Variants in EVI5 observed in about 807,000 individuals in gnomAD.
The protein encoded by EVI5 is ecotropic viral integration site 5.
Under a neutral mutation model 112.0 loss-of-function variants are expected in EVI5, and 73 were observed. The observed-to-expected ratio is 0.65, with a 90% CI of 0.54 to 0.79. The LOEUF is 0.79. EVI5 is among the 30% of genes least tolerant of loss of function. The pLI is 0.00. For missense variants in EVI5, 900 were observed against 968.8 expected, an observed-to-expected ratio of 0.93 and a Z score of 0.94; for synonymous variants, 305 against 319.9, an observed-to-expected ratio of 0.95 and a Z score of 0.50.
At chr1:92,637,676 CA>C (rs1557968066) in intron 13 of EVI5, among the ~76,000 whole-genome samples, 1 of 152,036 alleles carries the variant, frequency 6.6e-6, no homozygotes, top group African/African-American at 2.4e-5. Context: ...CTCAAAATTT[CA>C]AAATAAAGTC....
At chr1:92,693,994 G>A in intron 8 of EVI5, 95 bp from the exon 9 acceptor site, 1 of 797,434 alleles carries the variant, frequency 1.3e-6, no homozygotes, top group South Asian at 1.6e-5. Flanking sequence ...GGGCGTGGTG[G>A]CTCATGCTTG....
chr1:92,613,014 C>T (rs1652238662), intron 16 of EVI5, among the ~76,000 whole-genome samples: 1 of 152,148 alleles, frequency 6.6e-6, no homozygotes, highest in South Asian at 2.1e-4. Flanking sequence ...GAGAAAGAAA[C>T]CTTCATGGTA....
At chr1:92,670,939 T>C (rs568667422) in intron 10 of EVI5, among the ~76,000 whole-genome samples, 6 of 152,288 alleles carry the variant, frequency 3.9e-5, no homozygotes, top group East Asian at 3.9e-4. Flanking sequence ...AAATTCCGTA[T>C]CTTCCTGACT....
chr1:92,763,748 T>C (rs1476388163), intron 1 of EVI5, among the ~76,000 whole-genome samples: 2 of 152,122 alleles, frequency 1.3e-5, no homozygotes, highest in South Asian at 2.1e-4. Context: ...TAGTGAGCTA[T>C]GATTGTGACA....
intron 16 of EVI5, among the ~76,000 whole-genome samples, chr1:92,615,781 A>G (rs966942208): frequency 6.6e-6 from 1 of 152,126 alleles, no homozygotes; most frequent in Non-Finnish European, 1.5e-5. Context: ...ACCTATAACT[A>G]AGTTAAAGTC....
chr1:92,578,297 T>C (rs969090365), intron 18 of EVI5, among the ~76,000 whole-genome samples: 1 of 152,222 alleles, frequency 6.6e-6, no homozygotes, highest in Non-Finnish European at 1.5e-5. Context: ...TTAGCAAAAC[T>C]AAAGTGTGGA....
chr1:92,739,322 T>G (rs1649681208), intron 1 of EVI5, among the ~76,000 whole-genome samples: 1 of 120,610 alleles, frequency 8.3e-6, no homozygotes. Flanking sequence ...GCTAAAACCA[T>G]CATTAAAAAG....
At chr1:92,551,042 T>TTC (rs1666848531) in intron 19 of EVI5, among the ~76,000 whole-genome samples, 3 of 73,510 alleles carry the variant, frequency 4.1e-5, no homozygotes, top group Admixed American at 3.0e-4. Flanking sequence ...CTTTCTTTCT[T>TTC]TTTTTTTTTT....
chr1:92,608,269 AG>A (rs1295065466), intron 16 of EVI5, among the ~76,000 whole-genome samples: 1 of 152,258 alleles, frequency 6.6e-6, no homozygotes, highest in African/African-American at 2.4e-5. Context: ...TACAAAAAAT[AG>A]GTGTAAACTA....
chr1:92,701,297 T>C (rs1026627496), intron 5 of EVI5, among the ~76,000 whole-genome samples: 1 of 152,184 alleles, frequency 6.6e-6, no homozygotes, highest in African/African-American at 2.4e-5. Flanking sequence ...CTATCTCCTA[T>C]GAGCCAAACA....
chr1:92,715,298 C>T (rs1048553647), intron 2 of EVI5, among the ~76,000 whole-genome samples: 6 of 152,094 alleles, frequency 3.9e-5, no homozygotes, highest in Non-Finnish European at 7.4e-5. Flanking sequence ...CATAAGCCAC[C>T]GTGCCCTGAC....
chr1:92,669,097 T>C (rs1365173649), intron 10 of EVI5, among the ~76,000 whole-genome samples: 2 of 152,232 alleles, frequency 1.3e-5, no homozygotes, highest in East Asian at 1.9e-4. Flanking sequence ...TGAGATAGCA[T>C]AGCACCTAAT....
chr1:92,787,005 A>G (rs1163339522), upstream of EVI5, among the ~76,000 whole-genome samples: 1 of 152,164 alleles, frequency 6.6e-6, no homozygotes, highest in African/African-American at 2.4e-5. Context: ...TCTGAGAAGC[A>G]TCTTCTGACC....
intron 1 of EVI5, among the ~76,000 whole-genome samples, chr1:92,757,226 A>G (rs921945060): frequency 9.2e-5 from 14 of 152,320 alleles, no homozygotes; most frequent in African/African-American, 3.1e-4. Context: ...TAGTTCAAAT[A>G]TTTCAAAAAT....
intron 2 of EVI5, among the ~76,000 whole-genome samples, chr1:92,707,385 A>C (rs948283403): frequency 6.6e-6 from 1 of 151,042 alleles, no homozygotes; most frequent in African/African-American, 2.4e-5. Flanking sequence ...AGTAAGAAGA[A>C]AAAAAAAAGT....
At chr1:92,633,777 T>G (rs880001076) in intron 14 of EVI5, among the ~76,000 whole-genome samples, 3 of 152,322 alleles carry the variant, frequency 2.0e-5, no homozygotes, top group East Asian at 1.9e-4. Context: ...TCCTAGCCTC[T>G]ATGGTCTTTA....
chr1:92,737,258 G>T (rs1423905888), intron 1 of EVI5, among the ~76,000 whole-genome samples: 2 of 152,148 alleles, frequency 1.3e-5, no homozygotes, highest in African/African-American at 2.4e-5. Flanking sequence ...GAATGAGAGG[G>T]GTTCAAGGTA....
At chr1:92,581,309 A>G (rs1671897881) in intron 18 of EVI5, among the ~76,000 whole-genome samples, 1 of 152,254 alleles carries the variant, frequency 6.6e-6, no homozygotes, top group Non-Finnish European at 1.5e-5. Flanking sequence ...AGTTGGGGGA[A>G]TATATCACAA....
intron 18 of EVI5, among the ~76,000 whole-genome samples, chr1:92,565,329 T>C (rs1482221723): frequency 1.3e-5 from 2 of 152,216 alleles, no homozygotes; most frequent in Non-Finnish European, 2.9e-5. Context: ...TATCTCTCAA[T>C]AATACAACTT....
Sources: allele counts gnomAD v4.1 joint callset (sites outside exome capture counted in the v4.1 genomes callset), GRCh38; gene constraint gnomAD v4.1.1; transcripts MANE v1.5; gene names NCBI Gene and HGNC (gene_info 2026-07-23, HGNC 2026-07-21).